SLC8A1: variants seen among roughly 807,000 people sequenced by gnomAD.
SLC8A1 encodes the protein solute carrier family 8 member A1.
SLC8A1 carries 18 observed loss-of-function variants against 68.3 expected under a neutral mutation model. The ratio of observed to expected loss-of-function variants is 0.26; its 90% confidence interval spans 0.18 to 0.39. SLC8A1 has a LOEUF of 0.39. Ranked by LOEUF, SLC8A1 falls within the 10% of genes least tolerant of loss-of-function variation. The pLI, the probability that SLC8A1 is intolerant of heterozygous loss-of-function variation, is 1.00. For synonymous variants in SLC8A1, 475 were observed against 415.5 expected, an observed-to-expected ratio of 1.14 and a Z score of -1.74; for missense variants, 985 against 1,156.7, an observed-to-expected ratio of 0.85 and a Z score of 2.15.
At chr2:40,386,521 C>A in intron 2 of SLC8A1, among the ~76,000 whole-genome samples, 1 of 95,874 alleles carries the variant, frequency 1.0e-5, no homozygotes, top group Non-Finnish European at 2.6e-5. Context: ...TTTTATTTAA[C>A]ATCAAGTAAA....
chr2:40,253,826 GTCT>G, intron 2 of SLC8A1, among the ~76,000 whole-genome samples: 1 of 65,454 alleles, frequency 1.5e-5, no homozygotes, highest in African/African-American at 7.4e-5. Context: ...AACTCTGTCT[GTCT>G]CCAAAAAAAA....
intron 4 of SLC8A1, among the ~76,000 whole-genome samples, chr2:40,174,197 T>C (rs1393210280): frequency 3.3e-5 from 5 of 152,028 alleles, no homozygotes; most frequent in Non-Finnish European, 7.4e-5. Flanking sequence ...AACATGATAT[T>C]ATATTATGTA....
At chr2:40,234,096 C>T (rs565771771) in intron 2 of SLC8A1, among the ~76,000 whole-genome samples, 1 of 152,166 alleles carries the variant, frequency 6.6e-6, no homozygotes, top group East Asian at 1.9e-4. Context: ...TTTTTTGGTT[C>T]CATATGAACT....
chr2:40,440,276 G>A (rs1700225559), intron 1 of SLC8A1, among the ~76,000 whole-genome samples: 2 of 152,150 alleles, frequency 1.3e-5, no homozygotes, highest in Admixed American at 6.6e-5. Flanking sequence ...GGTGACAGAT[G>A]AGGATTATAA....
intron 2 of SLC8A1, among the ~76,000 whole-genome samples, chr2:40,272,114 C>T (rs1410517865): frequency 6.6e-6 from 1 of 152,138 alleles, no homozygotes; most frequent in Non-Finnish European, 1.5e-5. Flanking sequence ...AATGCTCCTC[C>T]CACCTCAGCC....
At chr2:40,342,683 G>A (rs1668076561) in intron 2 of SLC8A1, among the ~76,000 whole-genome samples, 1 of 152,054 alleles carries the variant, frequency 6.6e-6, no homozygotes, top group African/African-American at 2.4e-5. Flanking sequence ...CTAATAATTG[G>A]AATATACACT....
In SLC8A1 at chr2:40,461,863, T is replaced by A. The variant is rs934770400; in HGVS notation, c.-24-31559A>T. Among the ~76,000 whole-genome samples the A allele has an allele frequency of 2.0e-5, 3 of 152,128 alleles. No individual in the cohort carries two copies. In the East Asian group the frequency reaches 5.8e-4, roughly 29 times the overall value. ...CTGACACTGTTAATCTGACACAAAC[T>A]AAAACACTATACATTCATCGTTATA... is the stretch of plus-strand genomic sequence containing the variant. On this transcript the variant is annotated intron_variant, in intron 1 of 7. Transcript: ENST00000402441.
chr2:40,407,443 T>C (rs1341015425), intron 2 of SLC8A1, among the ~76,000 whole-genome samples: 1 of 152,232 alleles, frequency 6.6e-6, no homozygotes, highest in African/African-American at 2.4e-5. Flanking sequence ...CTTCCTTCAC[T>C]TCTTCAAACG....
At chr2:40,473,927 A>G (rs1393794438) in intron 1 of SLC8A1, among the ~76,000 whole-genome samples, 2 of 152,218 alleles carry the variant, frequency 1.3e-5, no homozygotes, top group East Asian at 3.8e-4. Flanking sequence ...TTGATATTCA[A>G]TATAAATATA....
rs184732687 is a variant in SLC8A1 at position 40,159,627 on chromosome 2, A to C, written c.2161+1138T>G. Among the ~76,000 whole-genome samples, 205 of 152,300 alleles carry C rather than the reference A, an allele frequency of 1.3e-3. 3 individuals carry two copies. Among genetic ancestry groups the C allele is most frequent in the Admixed American group, 0.012 (183 of 15,288 alleles). On this transcript the variant is annotated intron_variant, in intron 6 of 7. Coordinates refer to ENST00000406785, the Ensembl canonical transcript of SLC8A1. ...ATATTAAGCTTAGATTTATAGAAAA[A>C]CATAAGAAATAAAAGAGAGTTTACC...
At chr2:40,459,566 G>A (rs1410861285) in intron 1 of SLC8A1, among the ~76,000 whole-genome samples, 1 of 152,086 alleles carries the variant, frequency 6.6e-6, no homozygotes, top group African/African-American at 2.4e-5. Context: ...CTGCCACCAG[G>A]GGTTGCACAT....
intron 1 of SLC8A1, among the ~76,000 whole-genome samples, chr2:40,509,475 A>G (rs1222593977): frequency 1.4e-5 from 2 of 140,732 alleles, no homozygotes; most frequent in African/African-American, 2.7e-5. Flanking sequence ...AGAATTGCCA[A>G]TGATATCTTT....
At chr2:40,217,128 C>G (rs116696032) in intron 2 of SLC8A1, among the ~76,000 whole-genome samples, 1 of 152,122 alleles carries the variant, frequency 6.6e-6, no homozygotes, top group Non-Finnish European at 1.5e-5. Context: ...TGGGGTTTTA[C>G]ATTAAAGTCT....
intron 2 of SLC8A1, among the ~76,000 whole-genome samples, chr2:40,231,861 C>T (rs1471728869): frequency 1.3e-5 from 2 of 152,138 alleles, no homozygotes; most frequent in African/African-American, 4.8e-5. Flanking sequence ...TTGAATCAAT[C>T]TAGCCTAGGT....
At chr2:40,192,746 T>TA (rs1334094997) in intron 2 of SLC8A1, among the ~76,000 whole-genome samples, 1 of 152,198 alleles carries the variant, frequency 6.6e-6, no homozygotes, top group Non-Finnish European at 1.5e-5. Context: ...TACTTTTTTT[T>TA]ATTGAGTTAT....
chr2:40,252,846 A>G (rs1474627281), intron 2 of SLC8A1, among the ~76,000 whole-genome samples: 13 of 113,348 alleles, frequency 1.1e-4, no homozygotes, highest in Admixed American at 3.1e-4. Flanking sequence ...GTATACATAT[A>G]TGTATATATA....
chr2:40,506,699 T>C (rs1706393333), intron 1 of SLC8A1, among the ~76,000 whole-genome samples: 1 of 125,866 alleles, frequency 7.9e-6, no homozygotes, highest in Non-Finnish European at 1.7e-5. Context: ...ATCTCATTAG[T>C]TGTTTTTCCT....
intron 2 of SLC8A1, among the ~76,000 whole-genome samples, chr2:40,406,001 T>G (rs1253583322): frequency 6.6e-6 from 1 of 152,220 alleles, no homozygotes; most frequent in Admixed American, 6.5e-5. Flanking sequence ...GTAATATGTC[T>G]TCCATCACTG....
chr2:40,431,593 G>T (rs556320510), intron 1 of SLC8A1, among the ~76,000 whole-genome samples: 2 of 152,232 alleles, frequency 1.3e-5, no homozygotes, highest in South Asian at 4.1e-4. Context: ...GTAGAGGAAG[G>T]TCTGCTCCAA....
Sources: allele counts gnomAD v4.1 joint callset (sites outside exome capture counted in the v4.1 genomes callset), GRCh38; gene constraint gnomAD v4.1.1; transcripts MANE v1.5; gene names NCBI Gene and HGNC (gene_info 2026-07-23, HGNC 2026-07-21).